Variants in SLC44A5 observed in about 807,000 individuals in gnomAD.
The protein encoded by SLC44A5 is choline transporter-like protein 5.
SLC44A5 carries 57 observed loss-of-function variants against 101.8 expected under a neutral mutation model. The ratio of observed to expected loss-of-function variants is 0.56; its 90% confidence interval spans 0.45 to 0.70. The LOEUF (loss-of-function observed/expected upper bound fraction) is 0.70, where lower values mean the gene tolerates loss of function less well. Among genes scored for constraint, SLC44A5 ranks in the 30% least tolerant of loss-of-function variants. The pLI is 0.00. For synonymous variants in SLC44A5, 281 were observed against 290.9 expected (o/e 0.97, Z 0.35); for missense variants, 737 against 853.1 (o/e 0.86, Z 1.70).
intron 22 of SLC44A5, 61 bp from the exon 23 acceptor site, chr1:75,211,613 G>A (rs1646854518): frequency 1.8e-5 from 22 of 1,240,688 alleles, no homozygotes; most frequent in Non-Finnish European, 2.2e-5. Context: ...GAAGAATAAT[G>A]CAGCTATAAA....
At chr1:75,631,639 C>T in the SLC44A5 span, among the ~76,000 whole-genome samples, 7 of 151,032 alleles carry the variant, frequency 4.6e-5, no homozygotes, top group East Asian at 3.9e-4. Flanking sequence ...CTCTGCCTCC[C>T]GATTCTCCTG....
At chr1:75,580,180 G>T (rs1325189839) in intron 1 of SLC44A5, among the ~76,000 whole-genome samples, 7 of 151,790 alleles carry the variant, frequency 4.6e-5, no homozygotes, top group Non-Finnish European at 2.9e-5. Flanking sequence ...TATATTTTTA[G>T]CATCAAAAGA....
At chr1:75,601,517 C>G (rs112717701) in intron 1 of SLC44A5, among the ~76,000 whole-genome samples, 2 of 152,144 alleles carry the variant, frequency 1.3e-5, no homozygotes, top group Admixed American at 1.3e-4. Context: ...ATGTACCCCA[C>G]AACTTAAAGT....
chr1:75,491,060 T>A (rs573742186), intron 2 of SLC44A5, among the ~76,000 whole-genome samples: 17 of 152,244 alleles, frequency 1.1e-4, no homozygotes, highest in Admixed American at 8.5e-4. Context: ...CCAAAGTAAA[T>A]ACTTTTAATT....
At chr1:75,372,433 T>A (rs1557713341) in intron 3 of SLC44A5, among the ~76,000 whole-genome samples, 1 of 152,130 alleles carries the variant, frequency 6.6e-6, no homozygotes, top group Non-Finnish European at 1.5e-5. Flanking sequence ...ATTCTGACAC[T>A]GAGGATATTC....
At chr1:75,314,054 G>A (rs1249669) in intron 4 of SLC44A5, among the ~76,000 whole-genome samples, 37,234 of 152,052 alleles carry the variant, frequency 0.24, 5,353 homozygotes, top group African/African-American at 0.39. Context: ...TCCCTTAAAT[G>A]TATTTAATTT....
In SLC44A5 at chr1:75,391,801, A is replaced by G. The variant is rs1026629177; in HGVS notation, c.52+4782T>C. Among the ~76,000 whole-genome samples the G allele has an allele frequency of 2.0e-5, 3 of 152,342 alleles. No individual in the cohort carries two copies. The East Asian group carries it at 5.8e-4, about 29-fold the overall frequency. ...CACCACCTAGGAAATAACCTTCTAG[A>G]CATTGGTCTTGGCAAAGAATTTAGA... On this transcript the variant is annotated intron_variant, in intron 3 of 23. Coordinates refer to ENST00000370859, the MANE Select transcript of SLC44A5 (RefSeq NM_001130058.2).
chr1:75,221,958 T>C (rs1647090527), intron 14 of SLC44A5, among the ~76,000 whole-genome samples: 2 of 130,574 alleles, frequency 1.5e-5, no homozygotes, highest in Non-Finnish European at 3.1e-5. Flanking sequence ...AGTCTTCTTC[T>C]TCTTTTTTTT....
chr1:75,326,839 A>G (rs1656637171), intron 4 of SLC44A5, among the ~76,000 whole-genome samples: 1 of 152,140 alleles, frequency 6.6e-6, no homozygotes, highest in Admixed American at 6.6e-5. Flanking sequence ...AAATCTTAAA[A>G]AACAAGTGAT....
chr1:75,553,043 G>C (rs549832392), intron 1 of SLC44A5, among the ~76,000 whole-genome samples: 1 of 152,040 alleles, frequency 6.6e-6, no homozygotes, highest in South Asian at 2.1e-4. Context: ...ACTTGAGCTT[G>C]CAGAAAAAGT....
At chr1:75,713,280 T>TA in the SLC44A5 span, among the ~76,000 whole-genome samples, 2 of 152,194 alleles carry the variant, frequency 1.3e-5, no homozygotes, top group African/African-American at 4.8e-5. Flanking sequence ...CTAATGACCT[T>TA]ATTTCCTATT....
the SLC44A5 span, among the ~76,000 whole-genome samples, chr1:75,710,900 T>G: frequency 6.6e-6 from 1 of 152,220 alleles, no homozygotes. Context: ...TATTTGAAGA[T>G]GTGAAGTTTT....
intron 2 of SLC44A5, among the ~76,000 whole-genome samples, chr1:75,420,804 G>C (rs1333245014): frequency 6.6e-6 from 1 of 151,874 alleles, no homozygotes; most frequent in Non-Finnish European, 1.5e-5. Context: ...CATATCAAAG[G>C]CCAAAATTAC....
chr1:75,453,631 C>T lies in SLC44A5; in HGVS notation c.14-57010G>A, dbSNP rs547715283. Among the ~76,000 whole-genome samples the T allele has an allele frequency of 5.9e-5, 9 of 151,754 alleles. No homozygotes were observed. The South Asian group carries it at 1.9e-3, about 32-fold the overall frequency. On this transcript the variant is annotated intron_variant, in intron 2 of 23. Coordinates refer to ENST00000370859, the MANE Select transcript of SLC44A5 (RefSeq NM_001130058.2). ...AAAAGTTGCTTATTTGAAAGGATACCCAAGATCAATAGACCACTAGCTAGA... is the reference window on the plus strand; with the variant it reads ...AAAAGTTGCTTATTTGAAAGGATACTCAAGATCAATAGACCACTAGCTAGA...
At chr1:75,225,109 A>G (rs1326954250) in intron 13 of SLC44A5, among the ~76,000 whole-genome samples, 1 of 152,146 alleles carries the variant, frequency 6.6e-6, no homozygotes, top group Non-Finnish European at 1.5e-5. Context: ...TGCAAGCTCC[A>G]TTCATGGTAA....
chr1:75,684,281 G>A, the SLC44A5 span, among the ~76,000 whole-genome samples: 47 of 152,240 alleles, frequency 3.1e-4, no homozygotes, highest in African/African-American at 1.1e-3. Context: ...TAGGGACATG[G>A]AGCCAAACCA....
chr1:75,683,395 G>C, the SLC44A5 span, among the ~76,000 whole-genome samples: 9 of 151,840 alleles, frequency 5.9e-5, no homozygotes, highest in Non-Finnish European at 1.5e-5. Flanking sequence ...AGAAAATGTG[G>C]CACATATACA....
intron 1 of SLC44A5, among the ~76,000 whole-genome samples, chr1:75,564,659 G>A (rs185191109): frequency 1.3e-4 from 15 of 111,418 alleles, no homozygotes; most frequent in Middle Eastern, 4.8e-3. Flanking sequence ...TCACTCTGTC[G>A]CCCAGGCTGG....
intron 1 of SLC44A5, among the ~76,000 whole-genome samples, chr1:75,586,762 C>T (rs1050473410): frequency 6.6e-6 from 1 of 152,028 alleles, no homozygotes; most frequent in African/African-American, 2.4e-5. Context: ...AAGCAAAGTC[C>T]TTGAAGGCAG....
Sources: gnomAD v4.1 joint callset for allele counts (sites outside exome capture counted in the v4.1 genomes callset) on GRCh38, gnomAD v4.1.1 for gene constraint, MANE v1.5 for transcripts, NCBI Gene and HGNC (gene_info 2026-07-23, HGNC 2026-07-21) for gene names.